The following MYO6 variants were observed in gnomAD, a reference collection of about 807,000 sequenced individuals.
The protein encoded by MYO6 is myosin VI.
A neutral mutation model predicts 178.7 loss-of-function variants in MYO6; 74 were observed. The observed-to-expected ratio is 0.41, with a 90% confidence interval of 0.34 to 0.50. The LOEUF (loss-of-function observed/expected upper bound fraction) is 0.50. Ranked by LOEUF, MYO6 falls within the 20% of genes least tolerant of loss-of-function variation. MYO6 has a pLI of 0.09. For missense variants in MYO6, 1,330 were observed against 1,547.4 expected (o/e 0.86, Z 2.36); for synonymous variants, 477 against 504.6 (o/e 0.95, Z 0.73).
At chr6:75,804,984 T>C (rs576124837) in intron 1 of MYO6, among the ~76,000 whole-genome samples, 8 of 125,360 alleles carry the variant, frequency 6.4e-5, no homozygotes, top group Admixed American at 2.6e-4. Flanking sequence ...TACACACACA[T>C]ATATATATAC....
At chr6:75,826,339 T>C (rs1265467565) in intron 3 of MYO6, among the ~76,000 whole-genome samples, 1 of 152,228 alleles carries the variant, frequency 6.6e-6, no homozygotes, top group Non-Finnish European at 1.5e-5. Context: ...GTTAGGAATT[T>C]ATTTGGTTTA....
chr6:75,853,921 T>C, intron 11 of MYO6, among the ~76,000 whole-genome samples: 2 of 148,280 alleles, frequency 1.3e-5, no homozygotes, highest in East Asian at 1.9e-4. Flanking sequence ...ATAGCAACCA[T>C]GTAAGGTAGG....
At chr6:75,842,201 T>TGCACACACACACACACAC (rs1774305382) in intron 9 of MYO6, among the ~76,000 whole-genome samples, 9 of 145,026 alleles carry the variant, frequency 6.2e-5, no homozygotes, top group Admixed American at 2.1e-4. Flanking sequence ...CACACACACA[T>TGCACACACACACACACAC]GCACACACAC....
In MYO6 at chr6:75,760,029, G is replaced by T. The variant is rs190952953; in HGVS notation, c.-48+10606G>T. ...AAAATATTTTGGCAATAAGTCTTTC[G>T]CTTTTCTGGAATTTATACTTGTATT... is the stretch of plus-strand genomic sequence containing the variant. On this transcript the variant is annotated intron_variant, in intron 1 of 34. Transcript: ENST00000369977. Among the ~76,000 whole-genome samples, 7 of 152,142 alleles carry T rather than the reference G, an allele frequency of 4.6e-5. No homozygotes were observed. In the East Asian group the frequency reaches 1.3e-3, roughly 29 times the overall value.
In MYO6 at chr6:75,868,821, G is replaced by T. The variant is rs555385130; in HGVS notation, c.1944+1716G>T. On this transcript the variant is annotated intron_variant, in intron 18 of 34. Coordinates refer to ENST00000369977, the MANE Select transcript of MYO6 (RefSeq NM_004999.4). ...TTCTATTGGAAAGTGCCTTTTTCAG[G>T]TTATTGAAACATAAACCCTTTACTG... Among the ~76,000 whole-genome samples the T allele has an allele frequency of 9.2e-5, 14 of 152,070 alleles. 1 individual carries two copies. Among genetic ancestry groups the T allele is most frequent in the African/African-American group, 3.4e-4 (14 of 41,512 alleles).
intron 1 of MYO6, among the ~76,000 whole-genome samples, chr6:75,752,148 A>G (rs551595270): frequency 6.6e-6 from 1 of 152,172 alleles, no homozygotes; most frequent in Non-Finnish European, 1.5e-5. Context: ...GCCCGCCACC[A>G]CACCTGGCCA....
intron 1 of MYO6, among the ~76,000 whole-genome samples, chr6:75,800,626 G>A (rs1056151624): frequency 1.3e-5 from 2 of 152,186 alleles, no homozygotes; most frequent in African/African-American, 4.8e-5. Flanking sequence ...AAAAGTTTGA[G>A]ATGGCTGTTG....
chr6:75,898,303 T>C (rs1026132791), intron 29 of MYO6, 70 bp from the exon 30 acceptor site: 2 of 1,007,292 alleles, frequency 2.0e-6, no homozygotes, highest in Non-Finnish European at 3.0e-6. Context: ...AATTATACTT[T>C]TAGATCTTTT....
At chr6:75,872,734 AAAAGTC>A (rs1226023603) in intron 19 of MYO6, among the ~76,000 whole-genome samples, 5 of 152,182 alleles carry the variant, frequency 3.3e-5, no homozygotes, top group Non-Finnish European at 7.3e-5. Flanking sequence ...TAGTAATTCA[AAAAGTC>A]ATTGTAAGCT....
At chr6:75,869,297 A>T (rs1338624491) in intron 18 of MYO6, among the ~76,000 whole-genome samples, 1 of 152,004 alleles carries the variant, frequency 6.6e-6, no homozygotes, top group Non-Finnish European at 1.5e-5. Context: ...TAATAACTTA[A>T]GCTTCTCAGT....
chr6:75,839,640 G>C lies in MYO6; in HGVS notation c.554-945G>C, dbSNP rs141833279. 4.8e-3 allele frequency among the ~76,000 whole-genome samples: 724 copies of C among 152,262 alleles called. 3 individuals carry two copies. Among genetic ancestry groups the C allele is most frequent in the African/African-American group, 0.017 (694 of 41,540 alleles). ...AATTGAGATTTAGATGAGTATAAGAGTAGAATCTAGTAACTCTTATCCAGT... is the reference window on the plus strand; with the variant it reads ...AATTGAGATTTAGATGAGTATAAGACTAGAATCTAGTAACTCTTATCCAGT... On this transcript the variant is annotated intron_variant, in intron 7 of 34. Transcript: ENST00000369977.
chr6:75,767,348 C>T (rs1236082838), intron 1 of MYO6, among the ~76,000 whole-genome samples: 1 of 151,804 alleles, frequency 6.6e-6, no homozygotes, highest in Non-Finnish European at 1.5e-5. Flanking sequence ...TTGAGTGTTG[C>T]ATTCCTGTCT....
intron 2 of MYO6, among the ~76,000 whole-genome samples, chr6:75,819,003 T>G (rs896154452): frequency 2.6e-5 from 4 of 152,214 alleles, no homozygotes; most frequent in Non-Finnish European, 4.4e-5. Context: ...ATAGTTGTTA[T>G]GTATATTTTG....
intron 22 of MYO6, among the ~76,000 whole-genome samples, chr6:75,881,429 C>G (rs549169061): frequency 2.2e-4 from 31 of 139,036 alleles, no homozygotes; most frequent in Middle Eastern, 3.6e-3. Context: ...GTCATCCCCC[C>G]CCCCCACTTT....
At chr6:75,849,262 G>A (rs1775028832) in intron 11 of MYO6, among the ~76,000 whole-genome samples, 1 of 152,098 alleles carries the variant, frequency 6.6e-6, no homozygotes, top group Admixed American at 6.6e-5. Flanking sequence ...TTGCAACAGA[G>A]GCTATATGTC....
chr6:75,902,178 A>G lies in MYO6; in HGVS notation c.3176+3767A>G, dbSNP rs9767377. On this transcript the variant is annotated intron_variant, in intron 30 of 34. Coordinates refer to ENST00000369977, the MANE Select transcript of MYO6 (RefSeq NM_004999.4). The stretch of plus-strand genomic sequence containing the variant: ...CAATGTTCTTCAAGGATATTGGTCT[A>G]AAATTCTCTTTTTTGGTTGTGTCTC... 3.0e-3 allele frequency among the ~76,000 whole-genome samples: 458 copies of G among 152,282 alleles called. 5 individuals carry two copies. The highest frequency in any genetic ancestry group is 0.011 in the African/African-American group (441 of 41,552).
At chr6:75,753,435 CTA>C (rs1291309345) in intron 1 of MYO6, among the ~76,000 whole-genome samples, 7 of 139,562 alleles carry the variant, frequency 5.0e-5, no homozygotes, top group African/African-American at 1.4e-4. Flanking sequence ...TATCTATGAT[CTA>C]TATATGTGTG....
intron 9 of MYO6, among the ~76,000 whole-genome samples, chr6:75,843,055 T>C (rs1774392860): frequency 6.6e-6 from 1 of 152,144 alleles, no homozygotes; most frequent in African/African-American, 2.4e-5. Flanking sequence ...TCTTGAATAT[T>C]CCTCTCATAT....
chr6:75,819,184 A>C (rs1771603878), intron 2 of MYO6, among the ~76,000 whole-genome samples: 1 of 152,210 alleles, frequency 6.6e-6, no homozygotes, highest in Non-Finnish European at 1.5e-5. Flanking sequence ...AATTTCATGG[A>C]TCTGTAGATA....
Sources: allele counts gnomAD v4.1 joint callset (sites outside exome capture counted in the v4.1 genomes callset), GRCh38; gene constraint gnomAD v4.1.1; transcripts MANE v1.5; gene names NCBI Gene and HGNC (gene_info 2026-07-23, HGNC 2026-07-21).